Variants in LRRC49 observed in about 807,000 individuals in gnomAD.
The protein encoded by LRRC49 is leucine-rich repeat-containing protein 49.
In LRRC49, 50 loss-of-function variants were observed where a neutral mutation model predicts 83.3. The observed-to-expected ratio is 0.60, with a 90% CI of 0.48 to 0.76. The LOEUF (loss-of-function observed/expected upper bound fraction) is 0.76. Ranked by LOEUF, LRRC49 falls within the 30% of genes least tolerant of loss-of-function variation. The pLI, the probability that LRRC49 is intolerant of heterozygous loss-of-function variation, is 0.00. For missense variants in LRRC49, 704 were observed against 809.1 expected, an observed-to-expected ratio of 0.87 and a Z score of 1.58; for synonymous variants, 286 against 283.3, an observed-to-expected ratio of 1.01 and a Z score of -0.10.
rs921127110 is a variant in LRRC49, at chr15:70,872,370, C to T, written c.-298-538C>T. The stretch of plus-strand genomic sequence containing the variant: ...GCACAGTCTAGCCTCGGCTCGGCAT[C>T]AGAGGGAGACCGCGGAAAGTGGGAG... On this transcript the variant is annotated intron_variant, in intron 1 of 16. Transcript: ENST00000544974. Among the ~76,000 whole-genome samples, 3 of 146,494 alleles carry T rather than the reference C, an allele frequency of 2.0e-5. No individual in the cohort carries two copies. In the South Asian group the frequency reaches 6.3e-4, roughly 31 times the overall value.
chr15:71,033,290 G>C (rs776758771), intron 14 of LRRC49, among the ~76,000 whole-genome samples: 1 of 152,130 alleles, frequency 6.6e-6, no homozygotes, highest in African/African-American at 2.4e-5. Flanking sequence ...AAATGCCTGG[G>C]AATACAGCTA....
At chr15:70,991,626 A>T (rs528802082) in intron 11 of LRRC49, among the ~76,000 whole-genome samples, 1 of 152,324 alleles carries the variant, frequency 6.6e-6, no homozygotes, top group East Asian at 1.9e-4. Flanking sequence ...CATTTGGTTT[A>T]ATCTATGGAT....
chr15:70,875,158 C>T (rs1018547897), intron 2 of LRRC49, among the ~76,000 whole-genome samples: 1 of 152,140 alleles, frequency 6.6e-6, no homozygotes, highest in East Asian at 1.9e-4. Context: ...CCAGACCATC[C>T]CTAAAGTTCC....
intron 11 of LRRC49, among the ~76,000 whole-genome samples, chr15:71,003,526 C>T (rs920781506): frequency 2.6e-5 from 4 of 152,150 alleles, no homozygotes; most frequent in African/African-American, 9.7e-5. Flanking sequence ...ATCTGACTCA[C>T]ACTTAATTCC....
chr15:70,959,578 GAA>G (rs1278292289), intron 8 of LRRC49, among the ~76,000 whole-genome samples: 56 of 144,196 alleles, frequency 3.9e-4, no homozygotes, highest in African/African-American at 1.4e-3. Flanking sequence ...AGGAAGGAAG[GAA>G]GGAAGGAAGG....
In LRRC49 at chr15:71,029,868, C is replaced by T. The variant is rs191663433; in HGVS notation, c.1704-7311C>T. On this transcript the variant is annotated intron_variant, in intron 14 of 15. Transcript: ENST00000260382. ...CCTTGCTTTTTTTGCTTTCCATTTGCTTGGTAAATATTTCTCCATCCCTTT... is the reference window on the plus strand; with the variant it reads ...CCTTGCTTTTTTTGCTTTCCATTTGTTTGGTAAATATTTCTCCATCCCTTT... Among the ~76,000 whole-genome samples the T allele has an allele frequency of 1.6e-4, 25 of 152,218 alleles. No homozygotes were observed. In the East Asian group the frequency reaches 3.5e-3, roughly 21 times the overall value.
intron 7 of LRRC49, among the ~76,000 whole-genome samples, chr15:70,933,496 G>A (rs1439617081): frequency 6.6e-6 from 1 of 152,160 alleles, no homozygotes; most frequent in Non-Finnish European, 1.5e-5. Context: ...TTAAATAGAT[G>A]AGAATTTACC....
intron 13 of LRRC49, among the ~76,000 whole-genome samples, chr15:71,012,076 TTG>T (rs2038671113): frequency 6.6e-6 from 1 of 152,074 alleles, no homozygotes; most frequent in Non-Finnish European, 1.5e-5. Flanking sequence ...ACATTGCCAG[TTG>T]TTCTGTAGGG....
chr15:71,010,106 GT>G (rs1180016501), intron 13 of LRRC49, 114 bp downstream of exon 13: 7 of 580,384 alleles, frequency 1.2e-5, no homozygotes, highest in Admixed American at 1.2e-4. Context: ...AGATATAATG[GT>G]TTTTTTTAAA....
chr15:70,859,223 C>CT, intron 1 of LRRC49: 1 of 1,384,826 alleles, frequency 7.2e-7, no homozygotes, highest in Non-Finnish European at 1.0e-6. Flanking sequence ...CATGCAGGGG[C>CT]TGGTGGAGGA....
At chr15:71,001,575 T>C (rs1323715598) in intron 11 of LRRC49, among the ~76,000 whole-genome samples, 1 of 152,226 alleles carries the variant, frequency 6.6e-6, no homozygotes, top group Non-Finnish European at 1.5e-5. Context: ...CTGCTGCCAA[T>C]AGTCTTCCCC....
At chr15:71,011,328 A>C (rs2038644374) in intron 13 of LRRC49, among the ~76,000 whole-genome samples, 1 of 152,152 alleles carries the variant, frequency 6.6e-6, no homozygotes, top group Non-Finnish European at 1.5e-5. Context: ...CCGTTACCTC[A>C]GTTAACCCTA....
At chr15:70,911,494 TA>T (rs775433770) in intron 5 of LRRC49, 37 bp from the exon 6 acceptor site, 68 of 1,149,912 alleles carry the variant, frequency 5.9e-5, no homozygotes, top group Non-Finnish European at 8.6e-5. Context: ...ATAGATGTGA[TA>T]CATCCGTATT....
intron 8 of LRRC49, among the ~76,000 whole-genome samples, chr15:70,956,591 GTTTT>G (rs941578386): frequency 7.3e-6 from 1 of 136,692 alleles, no homozygotes; most frequent in Admixed American, 6.9e-5. Context: ...ATTTCCAGGT[GTTTT>G]TTTTTAAACA....
intron 15 of LRRC49, among the ~76,000 whole-genome samples, chr15:71,041,033 A>G (rs2039686353): frequency 6.6e-6 from 1 of 152,124 alleles, no homozygotes; most frequent in East Asian, 1.9e-4. Flanking sequence ...ACAACCACTT[A>G]GGCTTAGAAG....
chr15:70,856,648 C>T (rs1157188891), intron 1 of LRRC49, among the ~76,000 whole-genome samples: 8 of 152,148 alleles, frequency 5.3e-5, no homozygotes, highest in Non-Finnish European at 7.4e-5. Flanking sequence ...CCTAGAGGAG[C>T]GGAGGACAGA....
At chr15:70,921,392 C>T (rs2035000316) in intron 7 of LRRC49, among the ~76,000 whole-genome samples, 2 of 152,142 alleles carry the variant, frequency 1.3e-5, no homozygotes, top group Admixed American at 6.5e-5. Context: ...GAGAACAGTT[C>T]CTTAGGCTCT....
At chr15:70,984,430 C>G in intron 11 of LRRC49, 173 bp downstream of exon 11, 2 of 527,482 alleles carry the variant, frequency 3.8e-6, no homozygotes, top group Non-Finnish European at 6.4e-6. Flanking sequence ...TAACATTCTC[C>G]AAATTAAAAC....
chr15:70,882,475 C>T (rs757388725), intron 2 of LRRC49: 22 of 1,611,900 alleles, frequency 1.4e-5, no homozygotes, highest in South Asian at 3.3e-5. Flanking sequence ...CTTCTTTCAC[C>T]TGTACAGCCA....
Sources: allele counts gnomAD v4.1 joint callset (sites outside exome capture counted in the v4.1 genomes callset), GRCh38; gene constraint gnomAD v4.1.1; transcripts MANE v1.5; gene names NCBI Gene and HGNC (gene_info 2026-07-23, HGNC 2026-07-21).